The following ZNF737 variants were observed in gnomAD, a reference collection of about 807,000 sequenced individuals.
ZNF737 encodes the protein zinc finger protein 737.
Under a neutral mutation model 11.7 loss-of-function variants are expected in ZNF737, and 13 were observed. That is an observed-to-expected ratio of 1.11 (90% CI 0.73 to 1.77). The LOEUF is 1.77. Among genes scored for constraint, ZNF737 ranks in the 40% most tolerant of loss-of-function variants. The pLI is 0.00. For missense variants in ZNF737, 636 were observed against 638.0 expected, an observed-to-expected ratio of 1.00 and a Z score of 0.03; for synonymous variants, 217 against 216.2, an observed-to-expected ratio of 1.00 and a Z score of -0.03.
In ZNF737 at chr19:20,545,283, T is replaced by C; in HGVS notation, c.920A>G (p.His307Arg). The change falls in exon 4 of 4, where the codon CAT (histidine) becomes CGT (arginine). Residue 307 changes from histidine (H) to arginine (R), a missense_variant. By Grantham distance (29) the His-to-Arg change is conservative (BLOSUM62 0). Transcript: ENST00000427401. ...SSILTAHKII[H>R]SGEKPYKCEE... Reference sequence around the variant, plus strand: ...ACATTTGTAGGGTTTCTCTCCGCTATGAATTATCTTATGCGCAGTAAGGAT... The same window carrying C: ...ACATTTGTAGGGTTTCTCTCCGCTACGAATTATCTTATGCGCAGTAAGGAT... 6.2e-7 allele frequency: 1 copy of C among 1,613,318 alleles called. No individual in the cohort carries two copies.
At chr19:20,536,897 C>T (rs1967987947), downstream of ZNF737, among the ~76,000 whole-genome samples, 1 of 152,098 alleles carries the variant, frequency 6.6e-6, no homozygotes, top group Non-Finnish European at 1.5e-5. Flanking sequence ...GAGCCAGGAT[C>T]ATGCCACTGT....
chr19:20,548,562 C>G (rs2562643), intron 3 of ZNF737, among the ~76,000 whole-genome samples: 82,732 of 151,830 alleles, frequency 0.54, 22,879 homozygotes, highest in East Asian at 0.75. Flanking sequence ...AAGATGAAAA[C>G]TTTCTAAAAG....
intron 1 of ZNF737, among the ~76,000 whole-genome samples, chr19:20,556,729 CTTTAAAG>C (rs1237441934): frequency 6.6e-6 from 1 of 152,164 alleles, no homozygotes; most frequent in South Asian, 2.1e-4. Flanking sequence ...TTTGATGGCT[CTTTAAAG>C]TTTACAGAGG....
At chr19:20,557,515 CCA>C (rs1256222445) in intron 1 of ZNF737, among the ~76,000 whole-genome samples, 1 of 149,832 alleles carries the variant, frequency 6.7e-6, no homozygotes, top group Admixed American at 6.7e-5. Flanking sequence ...AACTTAAATC[CCA>C]GAGTTTCTGT....
chr19:20,535,100 A>C (rs1967925472), downstream of ZNF737, among the ~76,000 whole-genome samples: 1 of 135,108 alleles, frequency 7.4e-6, no homozygotes, highest in Admixed American at 7.2e-5. Flanking sequence ...CAACATGGTG[A>C]AAGCCTGCCT....
rs748504901 is a variant in ZNF737, at chr19:20,538,627, A to G, written c.*5965T>C. On this transcript the variant is annotated 3_prime_UTR_variant, in exon 4 of 4. Coordinates refer to ENST00000427401, the MANE Select transcript of ZNF737 (RefSeq NM_001159293.2). ...AAGTGCTATTTCTTTACAGCTCCAG[A>G]GAACAAACATTTCTAAAACCATTAT... 2.0e-6 allele frequency: 2 copies of G among 982,170 alleles called. No individual in the cohort carries two copies. The highest frequency in any genetic ancestry group is 2.4e-6 in the Non-Finnish European group (2 of 827,052). 60.8% of individuals were successfully genotyped at this position (982,170 alleles called of 1,614,324 possible). A position where few individuals can be genotyped will look rare whatever the true frequency, so the allele number is the denominator to read the frequency against.
chr19:20,535,528 G>A (rs543591350), downstream of ZNF737, among the ~76,000 whole-genome samples: 6 of 139,988 alleles, frequency 4.3e-5, no homozygotes, highest in African/African-American at 7.9e-5. Flanking sequence ...CAAAATCCTC[G>A]TTTTTTTTTT....
chr19:20,533,230 A>G (rs1184529369), downstream of ZNF737, among the ~76,000 whole-genome samples: 2 of 150,140 alleles, frequency 1.3e-5, no homozygotes, highest in African/African-American at 2.5e-5. Flanking sequence ...CAGGATGTAT[A>G]TCAGAGCATT....
intron 1 of ZNF737, among the ~76,000 whole-genome samples, chr19:20,561,660 T>C (rs531638771): frequency 2.0e-5 from 3 of 152,052 alleles, no homozygotes; most frequent in African/African-American, 7.2e-5. Flanking sequence ...CATTAAACAA[T>C]TCTCCAACAC....
At chr19:20,552,361 A>G in intron 3 of ZNF737, 114 bp downstream of exon 3, 1 of 629,274 alleles carries the variant, frequency 1.6e-6, no homozygotes, top group South Asian at 3.3e-5. Flanking sequence ...GCTCCCAGGA[A>G]CTATTTTCTT....
Position 20,545,461 on chromosome 19 carries a change from T to C in ZNF737, c.742A>G (p.Lys248Glu). Residue 248 changes from lysine (K) to glutamate (E), a missense_variant, in exon 4 of 4, where the codon AAG (lysine) becomes GAG (glutamate). Coordinates refer to ENST00000427401, the MANE Select transcript of ZNF737 (RefSeq NM_001159293.2). ...GGTTTCTCTCCACTATGAATTATCT[T>C]ATGTGCAGTAAGGTATGAAAACCGG... ...FSRFSYLTAH[K>E]IIHSGEKPYK... 6.2e-7 allele frequency: 1 copy of C among 1,613,796 alleles called. No homozygotes were observed. Among genetic ancestry groups the C allele is most frequent in the African/African-American group, 1.3e-5 (1 of 75,068 alleles).
chr19:20,535,139 G>A (rs1272516160), downstream of ZNF737, among the ~76,000 whole-genome samples: 6 of 132,930 alleles, frequency 4.5e-5, no homozygotes, highest in African/African-American at 1.7e-4. Context: ...TTAGCCTGGT[G>A]TGGTGGCATA....
At chr19:20,555,518 A>G (rs1170309602) in intron 1 of ZNF737, among the ~76,000 whole-genome samples, 1 of 152,166 alleles carries the variant, frequency 6.6e-6, no homozygotes, top group Non-Finnish European at 1.5e-5. Context: ...GCATACAGCT[A>G]ATGGAACACA....
intron 1 of ZNF737, among the ~76,000 whole-genome samples, chr19:20,562,960 T>C (rs538749448): frequency 6.6e-6 from 1 of 151,744 alleles, no homozygotes; most frequent in Non-Finnish European, 1.5e-5. Flanking sequence ...CCACCTCCTT[T>C]CTAATCTTGT....
chr19:20,531,226 A>C (rs1210334079), downstream of ZNF737, among the ~76,000 whole-genome samples: 1 of 74,684 alleles, frequency 1.3e-5, no homozygotes, highest in Non-Finnish European at 2.4e-5. Flanking sequence ...TGGAAAGGGG[A>C]GGAGAGAGGG....
chr19:20,546,278 A>G (rs1968452798), intron 3 of ZNF737, among the ~76,000 whole-genome samples: 1 of 152,232 alleles, frequency 6.6e-6, no homozygotes, highest in Admixed American at 6.5e-5. Flanking sequence ...CCTGCTCTCC[A>G]GTATAATATT....
intron 3 of ZNF737, among the ~76,000 whole-genome samples, chr19:20,551,429 CAAAAAAAAAAAAA>C (rs59406979): frequency 9.8e-6 from 1 of 102,360 alleles, no homozygotes; most frequent in Non-Finnish European, 1.9e-5. Context: ...AACCCCATCT[CAAAAAAAAAAAAA>C]AAAAAAAAGA....
chr19:20,548,672 T>TG (rs1968543933), intron 3 of ZNF737, among the ~76,000 whole-genome samples: 1 of 152,030 alleles, frequency 6.6e-6, no homozygotes, highest in African/African-American at 2.4e-5. Flanking sequence ...GGAGTGTAGT[T>TG]GTACAATTTT....
chr19:20,557,907 G>A (rs1399951531), intron 1 of ZNF737, among the ~76,000 whole-genome samples: 1 of 151,940 alleles, frequency 6.6e-6, no homozygotes, highest in African/African-American at 2.4e-5. Flanking sequence ...GAGCAACCAT[G>A]CCCAGCTTTT....
Sources: gnomAD v4.1 joint callset for allele counts (sites outside exome capture counted in the v4.1 genomes callset) on GRCh38, gnomAD v4.1.1 for gene constraint, MANE v1.5 for transcripts, NCBI Gene and HGNC (gene_info 2026-07-23, HGNC 2026-07-21) for gene names.